The following GCNT2 variants were observed in gnomAD, a reference collection of about 807,000 sequenced individuals.
GCNT2 encodes glucosaminyl (N-acetyl) transferase 2 (I blood group), also known as N-acetyllactosaminide beta-1,6-N-acetylglucosaminyl-transferase.
GCNT2 carries 34 observed loss-of-function variants against 34.2 expected under a neutral mutation model. The ratio of observed to expected loss-of-function variants is 1.00; its 90% confidence interval spans 0.76 to 1.32. The LOEUF is 1.32. Ranked by LOEUF, GCNT2 falls within the 40% of genes most tolerant of loss-of-function variation. GCNT2 has a pLI of 0.00. For missense variants in GCNT2, 584 were observed against 489.4 expected (o/e 1.19, Z -1.82); for synonymous variants, 212 against 188.0 (o/e 1.13, Z -1.04).
chr6:10,585,875 C>G, intron 3 of GCNT2: 1 of 1,557,538 alleles, frequency 6.4e-7, no homozygotes. Context: ...GCAAGCAGCC[C>G]TCCGGAGAAG....
intron 3 of GCNT2, among the ~76,000 whole-genome samples, chr6:10,592,970 T>C (rs917816530): frequency 1.3e-5 from 2 of 152,186 alleles, no homozygotes; most frequent in Non-Finnish European, 2.9e-5. Context: ...CTCGATCTCT[T>C]GACCTCGTGA....
intron 3 of GCNT2, among the ~76,000 whole-genome samples, chr6:10,583,942 G>C (rs2127410491): frequency 6.6e-6 from 1 of 152,274 alleles, no homozygotes; most frequent in Non-Finnish European, 1.5e-5. Flanking sequence ...GATGAAGGGA[G>C]CCTGCCTCTC....
At position 10,529,537 on chromosome 6, in the gene GCNT2, G is replaced by T. The variant is rs1409125016; in HGVS notation, c.626G>T (p.Gly209Val). The change falls in exon 3 of 5, where the codon GGA becomes GTA. Residue 209 changes from glycine (G) to valine (V), a missense_variant. By Grantham distance (109) the Gly-to-Val change is moderately radical. Transcript: ENST00000495262. ...TNREIVQYLK[G>V]FKGKNITPGV... ...AGGGAAATAGTTCAGTATCTGAAGG[G>T]ATTTAAAGGGAAAAATATCACCCCC... The T allele has an allele frequency of 3.7e-6, 6 of 1,614,004 alleles. No individual in the cohort carries two copies. The highest frequency in any genetic ancestry group is 5.1e-6 in the Non-Finnish European group (6 of 1,180,010).
chr6:10,590,746 G>A (rs567162562), intron 3 of GCNT2, among the ~76,000 whole-genome samples: 34 of 152,118 alleles, frequency 2.2e-4, no homozygotes, highest in Admixed American at 1.6e-3. Context: ...TAGAGACATG[G>A]TTTCACCATG....
intron 3 of GCNT2, among the ~76,000 whole-genome samples, chr6:10,603,491 A>T (rs1040189966): frequency 6.6e-6 from 1 of 152,162 alleles, no homozygotes; most frequent in African/African-American, 2.4e-5. Context: ...AGATGCAGAC[A>T]GGGGAGGGAA....
intron 3 of GCNT2, among the ~76,000 whole-genome samples, chr6:10,564,577 C>T (rs1763192847): frequency 6.6e-6 from 1 of 152,152 alleles, no homozygotes. Flanking sequence ...TGCAATATGG[C>T]ACAGATGGCA....
intron 3 of GCNT2, among the ~76,000 whole-genome samples, chr6:10,582,372 T>C (rs1369112835): frequency 1.8e-5 from 2 of 108,766 alleles, no homozygotes; most frequent in Non-Finnish European, 3.3e-5. Context: ...TAATATATAC[T>C]ATAATTTAAT....
chr6:10,540,874 T>A (rs1187445646), intron 3 of GCNT2, among the ~76,000 whole-genome samples: 3 of 152,192 alleles, frequency 2.0e-5, no homozygotes, highest in Non-Finnish European at 4.4e-5. Context: ...CATCCTTTGC[T>A]GCCACCTGTG....
At chr6:10,550,291 C>T (rs891646905) in intron 3 of GCNT2, among the ~76,000 whole-genome samples, 7 of 152,104 alleles carry the variant, frequency 4.6e-5, no homozygotes, top group African/African-American at 1.7e-4. Flanking sequence ...TTGCCTTGGC[C>T]TCCCAAAGTG....
intron 3 of GCNT2, among the ~76,000 whole-genome samples, chr6:10,538,178 T>G (rs1761860488): frequency 6.6e-6 from 1 of 151,584 alleles, no homozygotes; most frequent in Admixed American, 6.6e-5. Context: ...GCAGCTGAGG[T>G]GGGCAGATCA....
chr6:10,621,717 T>G (rs1766046597), intron 4 of GCNT2: 1 of 403,846 alleles, frequency 2.5e-6, no homozygotes, highest in Non-Finnish European at 4.7e-6. Context: ...TCAGCTTTCT[T>G]TCTTTCTTTA....
chr6:10,590,289 C>A (rs922413788), intron 3 of GCNT2, among the ~76,000 whole-genome samples: 21 of 151,908 alleles, frequency 1.4e-4, no homozygotes, highest in Non-Finnish European at 2.5e-4. Flanking sequence ...GTCCCAGTTA[C>A]TCAGGAGGCT....
intron 3 of GCNT2, chr6:10,556,372 A>G (rs540572080): frequency 1.2e-6 from 2 of 1,611,046 alleles, no homozygotes; most frequent in African/African-American, 1.3e-5. Context: ...GAGTTTGGAA[A>G]AAAGACTTAC....
chr6:10,575,805 TTCCTGGCTCG>T (rs1383082434), intron 3 of GCNT2, among the ~76,000 whole-genome samples: 2 of 152,150 alleles, frequency 1.3e-5, no homozygotes, highest in Admixed American at 6.5e-5. Flanking sequence ...GAAAGTCCTT[TTCCTGGCTCG>T]TCCTGGCTCA....
rs575747661 is a variant in GCNT2 at position 10,627,596 on chromosome 6, C to T, written c.*989C>T. The T allele has an allele frequency of 6.6e-6, 1 of 151,886 alleles. No individual in the cohort carries two copies. Among genetic ancestry groups the T allele is most frequent in the East Asian group, 1.9e-4 (1 of 5,182 alleles). The allele number at this position is 151,886 out of a possible 1,614,324, so 9.4% of individuals were successfully genotyped here. ...GTAGATGAACATCTCTGTTATTTAT[C>T]CCTCATTCATCCATCCGTTCATTCA... On this transcript the variant is annotated 3_prime_UTR_variant, in exon 5 of 5. Transcript: ENST00000495262.
intron 3 of GCNT2, chr6:10,556,084 T>A: frequency 2.5e-6 from 3 of 1,202,736 alleles, no homozygotes; most frequent in Non-Finnish European, 3.1e-6. Flanking sequence ...TATGGGAAAC[T>A]AAATCTGCCG....
At chr6:10,533,818 A>G in intron 3 of GCNT2, among the ~76,000 whole-genome samples, 1 of 150,690 alleles carries the variant, frequency 6.6e-6, no homozygotes, top group Middle Eastern at 3.4e-3. Flanking sequence ...AAAAAAAAAA[A>G]AAAAAAAAGA....
At chr6:10,536,494 A>G (rs1259611796) in intron 3 of GCNT2, among the ~76,000 whole-genome samples, 1 of 151,378 alleles carries the variant, frequency 6.6e-6, no homozygotes, top group Admixed American at 6.6e-5. Flanking sequence ...AGCTGGGACT[A>G]CAGGCGCCCA....
chr6:10,590,939 T>G (rs1764614193), intron 3 of GCNT2, among the ~76,000 whole-genome samples: 1 of 152,128 alleles, frequency 6.6e-6, no homozygotes, highest in Non-Finnish European at 1.5e-5. Context: ...TGTCTAACTC[T>G]TCATCCTTTA....
Sources: allele counts gnomAD v4.1 joint callset (sites outside exome capture counted in the v4.1 genomes callset), GRCh38; gene constraint gnomAD v4.1.1; transcripts MANE v1.5; gene names NCBI Gene and HGNC (gene_info 2026-07-23, HGNC 2026-07-21).